DPP10: variants seen among roughly 807,000 people sequenced by gnomAD.
DPP10 encodes the protein inactive dipeptidyl peptidase 10.
In DPP10, 33 loss-of-function variants were observed where a neutral mutation model predicts 120.9. The observed-to-expected ratio is 0.27, with a 90% CI of 0.21 to 0.37. The LOEUF (loss-of-function observed/expected upper bound fraction) is 0.37. Among genes scored for constraint, DPP10 ranks in the 10% least tolerant of loss-of-function variants. The probability of loss-of-function intolerance (pLI) is 1.00; values close to 1 mark genes in which losing one functional copy is unlikely to be tolerated. For missense variants in DPP10, 816 were observed against 942.8 expected, an observed-to-expected ratio of 0.87 and a Z score of 1.76; for synonymous variants, 337 against 326.1, an observed-to-expected ratio of 1.03 and a Z score of -0.36.
chr2:114,938,561 C>T (rs1439687785), intron 1 of DPP10, among the ~76,000 whole-genome samples: 1 of 152,088 alleles, frequency 6.6e-6, no homozygotes, highest in African/African-American at 2.4e-5. Context: ...ATATCTTTTT[C>T]CATTGCTGTA....
At chr2:115,115,893 C>T (rs925378572) in intron 1 of DPP10, among the ~76,000 whole-genome samples, 22 of 151,988 alleles carry the variant, frequency 1.4e-4, no homozygotes, top group African/African-American at 5.3e-4. Flanking sequence ...TCAGGGATCG[C>T]AAAGTACTTT....
chr2:115,567,246 T>C (rs11898404), intron 5 of DPP10, among the ~76,000 whole-genome samples: 150,569 of 152,196 alleles, frequency 0.99, 74,506 homozygotes, highest in South Asian at 1. Flanking sequence ...AAATTTAAAA[T>C]GATACAAAAA....
At chr2:115,550,705 G>A (rs916567128) in intron 5 of DPP10, among the ~76,000 whole-genome samples, 1 of 152,136 alleles carries the variant, frequency 6.6e-6, no homozygotes, top group African/African-American at 2.4e-5. Context: ...TAAATATGGG[G>A]TTGCAGCTGG....
At chr2:115,113,310 C>T (rs1272550565) in intron 1 of DPP10, among the ~76,000 whole-genome samples, 1 of 151,664 alleles carries the variant, frequency 6.6e-6, no homozygotes, top group Non-Finnish European at 1.5e-5. Flanking sequence ...TTAAATGTGT[C>T]TATATGTGCT....
intron 1 of DPP10, among the ~76,000 whole-genome samples, chr2:115,282,215 A>G (rs1344629996): frequency 6.6e-6 from 1 of 152,074 alleles, no homozygotes; most frequent in Non-Finnish European, 1.5e-5. Context: ...ACAATATTAG[A>G]TAATATTACA....
intron 12 of DPP10, among the ~76,000 whole-genome samples, chr2:115,764,451 A>T (rs1164382849): frequency 6.6e-6 from 1 of 152,048 alleles, no homozygotes; most frequent in Non-Finnish European, 1.5e-5. Flanking sequence ...TTTTACAGCT[A>T]ATAATAGACT....
chr2:114,771,154 C>T (rs530717326), intron 1 of DPP10, among the ~76,000 whole-genome samples: 54 of 152,248 alleles, frequency 3.5e-4, no homozygotes, highest in African/African-American at 1.3e-3. Context: ...AACTCTTGAA[C>T]TTTTGCCAGA....
chr2:115,086,821 G>A (rs1708746079), intron 1 of DPP10, among the ~76,000 whole-genome samples: 1 of 124,980 alleles, frequency 8.0e-6, no homozygotes, highest in Non-Finnish European at 1.7e-5. Flanking sequence ...ATAAAACCAA[G>A]TTGTACCCCA....
chr2:114,588,629 C>T (rs568084437), intron 1 of DPP10, among the ~76,000 whole-genome samples: 56 of 152,004 alleles, frequency 3.7e-4, no homozygotes, highest in Admixed American at 9.2e-4. Flanking sequence ...TAAATATGTA[C>T]AATGTCATTT....
intron 1 of DPP10, among the ~76,000 whole-genome samples, chr2:115,280,741 T>G (rs1421264830): frequency 6.6e-6 from 1 of 152,226 alleles, no homozygotes; most frequent in Non-Finnish European, 1.5e-5. Flanking sequence ...CTATTCTGCT[T>G]CCTGAATTTT....
At chr2:114,479,611 G>C (rs1680833597) in intron 1 of DPP10, among the ~76,000 whole-genome samples, 1 of 152,058 alleles carries the variant, frequency 6.6e-6, no homozygotes, top group Non-Finnish European at 1.5e-5. Context: ...ACAAGCAATG[G>C]GGAAAGGATT....
chr2:114,663,660 T>TAGAGAGAGAGAGAGAG (rs1485631969), intron 1 of DPP10, among the ~76,000 whole-genome samples: 18 of 91,496 alleles, frequency 2.0e-4, no homozygotes, highest in African/African-American at 8.7e-4. Context: ...TATATATATA[T>TAGAGAGAGAGAGAGAG]ATATATATAG....
chr2:115,602,702 C>G (rs4516431), intron 5 of DPP10, among the ~76,000 whole-genome samples: 150,504 of 152,302 alleles, frequency 0.99, 74,392 homozygotes, highest in East Asian at 1. Flanking sequence ...TCTTTGAGGG[C>G]TCACTCATGG....
intron 2 of DPP10, among the ~76,000 whole-genome samples, chr2:115,327,780 C>T (rs1209195876): frequency 1.3e-5 from 2 of 151,928 alleles, no homozygotes; most frequent in Non-Finnish European, 2.9e-5. Context: ...TGTTGAGAGT[C>T]AAGATGTAGT....
At chr2:115,443,525 CAG>C (rs1479507291) in intron 3 of DPP10, among the ~76,000 whole-genome samples, 2 of 152,114 alleles carry the variant, frequency 1.3e-5, no homozygotes, top group Non-Finnish European at 2.9e-5. Flanking sequence ...GAAGAGAAGA[CAG>C]ACATTACATT....
chr2:114,497,667 C>T (rs557052261), intron 1 of DPP10, among the ~76,000 whole-genome samples: 69 of 152,186 alleles, frequency 4.5e-4, no homozygotes, highest in Middle Eastern at 6.8e-3. Flanking sequence ...ATTTCCATAT[C>T]GAAAATGAAA....
At chr2:114,886,044 A>G (rs1167884948) in intron 1 of DPP10, among the ~76,000 whole-genome samples, 4 of 152,312 alleles carry the variant, frequency 2.6e-5, no homozygotes, top group Middle Eastern at 3.4e-3. Context: ...TGTTATTTCC[A>G]TTATAAACTT....
chr2:115,732,300 C>G (rs2092929474), intron 8 of DPP10, among the ~76,000 whole-genome samples: 1 of 152,138 alleles, frequency 6.6e-6, no homozygotes, highest in South Asian at 2.1e-4. Context: ...ACAGGCATGT[C>G]TTAATCTTTT....
chr2:115,087,498 A>T (rs1708807136), intron 1 of DPP10, among the ~76,000 whole-genome samples: 1 of 148,940 alleles, frequency 6.7e-6, no homozygotes, highest in Non-Finnish European at 1.5e-5. Context: ...GTGACCTGAG[A>T]CTATGTCTTT....
Sources: allele counts gnomAD v4.1 joint callset (sites outside exome capture counted in the v4.1 genomes callset), GRCh38; gene constraint gnomAD v4.1.1; transcripts MANE v1.5; gene names NCBI Gene and HGNC (gene_info 2026-07-23, HGNC 2026-07-21).